The following PITPNC1 variants were observed in gnomAD, a reference collection of about 807,000 sequenced individuals.
PITPNC1 encodes the protein cytoplasmic phosphatidylinositol transfer protein 1.
In PITPNC1, 18 loss-of-function variants were observed where a neutral mutation model predicts 44.7. The observed-to-expected ratio is 0.40, with a 90% confidence interval of 0.28 to 0.60. PITPNC1 has a LOEUF of 0.60. Among genes scored for constraint, PITPNC1 ranks in the 20% least tolerant of loss-of-function variants. The probability of loss-of-function intolerance (pLI) is 0.39; values close to 1 mark genes in which losing one functional copy is unlikely to be tolerated. For synonymous variants in PITPNC1, 141 were observed against 149.6 expected (o/e 0.94, Z 0.42); for missense variants, 290 against 418.4 (o/e 0.69, Z 2.68).
intron 5 of PITPNC1, among the ~76,000 whole-genome samples, chr17:67,586,425 CAA>C (rs33998127): frequency 1.6e-3 from 178 of 110,552 alleles, no homozygotes; most frequent in East Asian, 3.4e-3. Context: ...GTTTCTACTT[CAA>C]AAAAAAAAAA....
intron 2 of PITPNC1, among the ~76,000 whole-genome samples, chr17:67,550,905 C>CA (rs1431844771): frequency 1.3e-5 from 2 of 151,956 alleles, no homozygotes; most frequent in South Asian, 2.1e-4. Context: ...ACTAAAAATA[C>CA]AAAAAATTAG....
intron 6 of PITPNC1, among the ~76,000 whole-genome samples, chr17:67,665,060 A>G (rs2042402951): frequency 6.6e-6 from 1 of 151,942 alleles, no homozygotes; most frequent in South Asian, 2.1e-4. Context: ...TAGAACATCC[A>G]TGTACATGTT....
At chr17:67,500,654 T>G (rs1181744174) in intron 1 of PITPNC1, among the ~76,000 whole-genome samples, 2 of 118,412 alleles carry the variant, frequency 1.7e-5, no homozygotes, top group Non-Finnish European at 3.5e-5. Flanking sequence ...CTCAATTTTT[T>G]TTTAAGATTT....
At chr17:67,541,255 CTGAG>C (rs574861881) in intron 2 of PITPNC1, among the ~76,000 whole-genome samples, 10 of 151,902 alleles carry the variant, frequency 6.6e-5, no homozygotes, top group Non-Finnish European at 1.2e-4. Flanking sequence ...AAATAAAAGA[CTGAG>C]TGAGGATCCA....
At chr17:67,530,339 C>A (rs1345858668) in intron 1 of PITPNC1, among the ~76,000 whole-genome samples, 1 of 152,052 alleles carries the variant, frequency 6.6e-6, no homozygotes, top group Non-Finnish European at 1.5e-5. Flanking sequence ...GATCTGCCCA[C>A]CTCAGCCTCC....
intron 5 of PITPNC1, among the ~76,000 whole-genome samples, chr17:67,580,727 G>T (rs1323216794): frequency 6.6e-6 from 1 of 152,110 alleles, no homozygotes; most frequent in Non-Finnish European, 1.5e-5. Flanking sequence ...ATCTCCATGA[G>T]TTTATTCAAA....
intron 6 of PITPNC1, among the ~76,000 whole-genome samples, chr17:67,666,732 C>T (rs2042428420): frequency 6.6e-6 from 1 of 152,092 alleles, no homozygotes; most frequent in Non-Finnish European, 1.5e-5. Context: ...GGAAGTTGGC[C>T]CTGGGAGTGC....
At chr17:67,378,997 C>G in intron 1 of PITPNC1, 1 of 985,374 alleles carries the variant, frequency 1.0e-6, no homozygotes, top group African/African-American at 1.7e-5. Flanking sequence ...TGTCCTTCTC[C>G]CGATCCTGCG....
At chr17:67,413,905 C>T (rs1226124642) in intron 1 of PITPNC1, among the ~76,000 whole-genome samples, 1 of 152,098 alleles carries the variant, frequency 6.6e-6, no homozygotes, top group Non-Finnish European at 1.5e-5. Flanking sequence ...TCCAGAGGAC[C>T]TAGGCTTAGA....
intron 6 of PITPNC1, among the ~76,000 whole-genome samples, chr17:67,665,631 A>G (rs1325310491): frequency 6.6e-6 from 1 of 152,140 alleles, no homozygotes; most frequent in Non-Finnish European, 1.5e-5. Flanking sequence ...TCACTTAGGT[A>G]TTTACCAAAT....
chr17:67,439,376 A>T (rs1486387849), intron 1 of PITPNC1, among the ~76,000 whole-genome samples: 1 of 152,016 alleles, frequency 6.6e-6, no homozygotes, highest in African/African-American at 2.4e-5. Context: ...TTGCAGAAAC[A>T]AAAGGTTAGG....
At chr17:67,469,090 T>C (rs1555654574) in intron 1 of PITPNC1, among the ~76,000 whole-genome samples, 1 of 152,168 alleles carries the variant, frequency 6.6e-6, no homozygotes, top group Non-Finnish European at 1.5e-5. Context: ...TGAAACCTTC[T>C]TTAAGGGCCT....
chr17:67,568,053 A>G (rs2041004360), intron 4 of PITPNC1, among the ~76,000 whole-genome samples: 1 of 152,242 alleles, frequency 6.6e-6, no homozygotes, highest in Non-Finnish European at 1.5e-5. Context: ...AACTCGCACA[A>G]GAATAGCTGT....
At chr17:67,599,085 T>C (rs187241741) in intron 5 of PITPNC1, among the ~76,000 whole-genome samples, 92 of 140,726 alleles carry the variant, frequency 6.5e-4, no homozygotes, top group African/African-American at 2.3e-3. Flanking sequence ...CTTGAACTCC[T>C]GACTTCAGGT....
chr17:67,463,260 G>A (rs2039370711), intron 1 of PITPNC1, among the ~76,000 whole-genome samples: 1 of 152,130 alleles, frequency 6.6e-6, no homozygotes, highest in Non-Finnish European at 1.5e-5. Flanking sequence ...GTTTCTTTGT[G>A]CCTCTGATTG....
At chr17:67,617,614 A>C (rs573199167) in intron 5 of PITPNC1, among the ~76,000 whole-genome samples, 23 of 152,326 alleles carry the variant, frequency 1.5e-4, no homozygotes, top group African/African-American at 4.8e-4. Flanking sequence ...ATTCTCTTGC[A>C]GTTCTGGAGG....
At chr17:67,627,828 A>G (rs1288910993) in intron 5 of PITPNC1, among the ~76,000 whole-genome samples, 1 of 152,182 alleles carries the variant, frequency 6.6e-6, no homozygotes, top group Non-Finnish European at 1.5e-5. Context: ...TCTGAAAAGC[A>G]GGAATAATAT....
chr17:67,486,317 T>A (rs1305904175), intron 1 of PITPNC1, among the ~76,000 whole-genome samples: 1 of 152,156 alleles, frequency 6.6e-6, no homozygotes, highest in Non-Finnish European at 1.5e-5. Context: ...TGAGTTGAAG[T>A]CTCGCTGTGG....
At chr17:67,557,215 T>C (rs2040849890) in intron 4 of PITPNC1, among the ~76,000 whole-genome samples, 1 of 152,170 alleles carries the variant, frequency 6.6e-6, no homozygotes, top group Non-Finnish European at 1.5e-5. Flanking sequence ...GAGCAAGTTC[T>C]CTGGTCTCAT....
Sources: gnomAD v4.1 joint callset for allele counts (sites outside exome capture counted in the v4.1 genomes callset) on GRCh38, gnomAD v4.1.1 for gene constraint, MANE v1.5 for transcripts, NCBI Gene and HGNC (gene_info 2026-07-23, HGNC 2026-07-21) for gene names.